Variants in RNF152 observed in about 807,000 individuals in gnomAD.
RNF152 encodes the protein E3 ubiquitin-protein ligase RNF152.
In RNF152, 11 loss-of-function variants were observed where a neutral mutation model predicts 12.7. That is an observed-to-expected ratio of 0.86 (90% CI 0.54 to 1.43). The LOEUF is 1.43. Ranked by LOEUF, RNF152 falls within the 40% of genes most tolerant of loss-of-function variation. RNF152 has a pLI of 0.00. For synonymous variants in RNF152, 113 were observed against 120.3 expected (o/e 0.94, Z 0.40); for missense variants, 255 against 274.8 (o/e 0.93, Z 0.51).
intron 1 of RNF152, among the ~76,000 whole-genome samples, chr18:61,890,827 C>T (rs4941083): frequency 0.52 from 79,522 of 151,536 alleles, 20,898 homozygotes; most frequent in East Asian, 0.75. Context: ...AATGTAAGGA[C>T]CGAACTGTAT....
intron 1 of RNF152, among the ~76,000 whole-genome samples, chr18:61,823,643 C>T (rs899699831): frequency 1.3e-5 from 2 of 152,238 alleles, no homozygotes; most frequent in Non-Finnish European, 2.9e-5. Flanking sequence ...GGGAATAGGG[C>T]AGGCGATGCT....
At chr18:61,822,160 A>G (rs1416387767) in intron 1 of RNF152, among the ~76,000 whole-genome samples, 1 of 152,256 alleles carries the variant, frequency 6.6e-6, no homozygotes, top group East Asian at 1.9e-4. Flanking sequence ...AGAAAAACTT[A>G]AAGTCAAGAT....
intron 1 of RNF152, among the ~76,000 whole-genome samples, chr18:61,851,102 A>C (rs1255638830): frequency 4.6e-5 from 7 of 151,852 alleles, no homozygotes; most frequent in African/African-American, 9.7e-5. Flanking sequence ...AAAAAAAAAA[A>C]AAAAAACTTA....
intron 1 of RNF152, among the ~76,000 whole-genome samples, chr18:61,884,598 G>T (rs1169594301): frequency 6.6e-6 from 1 of 152,060 alleles, no homozygotes; most frequent in Admixed American, 6.5e-5. Context: ...TCATTCTGTC[G>T]CCCAGGCTGG....
At chr18:61,863,298 G>A (rs1412794204) in intron 1 of RNF152, among the ~76,000 whole-genome samples, 1 of 152,106 alleles carries the variant, frequency 6.6e-6, no homozygotes, top group East Asian at 1.9e-4. Context: ...AGCCAGGCGT[G>A]GTGACACACG....
At position 61,814,255 on chromosome 18, in the gene RNF152, G is replaced by A. The variant is rs1037482647; in HGVS notation, c.*1597C>T. ...TAAATTAAATTGTCTTGACCTCACA[G>A]GGCTATTTTCTAGCCTTGCTTTTTG... On this transcript the variant is annotated 3_prime_UTR_variant, in exon 2 of 2. Transcript: ENST00000312828. 1 of 152,140 alleles carries A rather than the reference G, an allele frequency of 6.6e-6. No individual in the cohort carries two copies. The highest frequency in any genetic ancestry group is 6.5e-5 in the Admixed American group (1 of 15,282). The allele number at this position is 152,140 out of a possible 1,614,324, so 9.4% of individuals were successfully genotyped here.
chr18:61,824,652 A>G (rs1167849448), intron 1 of RNF152, among the ~76,000 whole-genome samples: 1 of 152,232 alleles, frequency 6.6e-6, no homozygotes, highest in Non-Finnish European at 1.5e-5. Context: ...TCTGATCAGT[A>G]GCCTTCCCAG....
chr18:61,844,990 T>A (rs1287499555), intron 1 of RNF152, among the ~76,000 whole-genome samples: 1 of 152,190 alleles, frequency 6.6e-6, no homozygotes, highest in Non-Finnish European at 1.5e-5. Context: ...GGGCCATAAG[T>A]GGACACGAGT....
intron 1 of RNF152, among the ~76,000 whole-genome samples, chr18:61,873,095 T>C (rs1354977187): frequency 6.6e-6 from 1 of 152,192 alleles, no homozygotes; most frequent in Non-Finnish European, 1.5e-5. Context: ...TAGCACAATC[T>C]TGAGCAAGCT....
chr18:61,870,705 A>G (rs557262609), intron 1 of RNF152, among the ~76,000 whole-genome samples: 1 of 152,274 alleles, frequency 6.6e-6, no homozygotes, highest in East Asian at 1.9e-4. Flanking sequence ...ACTATGGTTT[A>G]TGGACCTCAT....
chr18:61,841,457 G>C lies in RNF152; in HGVS notation c.-135-24859C>G, dbSNP rs1302348444. ...TTTATACTCTTTATTTAAGAATAAT[G>C]AATAAATGAACTTGAGCTGGATCTA... On this transcript the variant is annotated intron_variant, in intron 1 of 1. Coordinates refer to ENST00000312828, the MANE Select transcript of RNF152 (RefSeq NM_173557.3). Among the ~76,000 whole-genome samples, 3 of 152,152 alleles carry C rather than the reference G, an allele frequency of 2.0e-5. No homozygotes were observed. The East Asian group carries it at 5.8e-4, about 29-fold the overall frequency.
chr18:61,873,225 A>G (rs1362212744), intron 1 of RNF152, among the ~76,000 whole-genome samples: 1 of 152,240 alleles, frequency 6.6e-6, no homozygotes, highest in Non-Finnish European at 1.5e-5. Context: ...CAAAATGCTT[A>G]AAAGTTAATT....
At chr18:61,866,237 C>G (rs1911719670) in intron 1 of RNF152, among the ~76,000 whole-genome samples, 1 of 152,172 alleles carries the variant, frequency 6.6e-6, no homozygotes, top group African/African-American at 2.4e-5. Context: ...ATCCAACCTA[C>G]TGCTTCTAGA....
intron 1 of RNF152, among the ~76,000 whole-genome samples, chr18:61,869,266 G>A (rs1911878810): frequency 6.6e-6 from 1 of 152,146 alleles, no homozygotes; most frequent in South Asian, 2.1e-4. Flanking sequence ...ACTAGGTGGG[G>A]TCAAAAGCTG....
chr18:61,853,189 T>C (rs1041670330), intron 1 of RNF152, among the ~76,000 whole-genome samples: 8 of 152,244 alleles, frequency 5.3e-5, no homozygotes, highest in East Asian at 3.9e-4. Flanking sequence ...GATTATCTTA[T>C]AGGTCTGGAG....
At position 61,811,473 on chromosome 18, in the gene RNF152, G is replaced by A. The variant is rs1414104105; in HGVS notation, c.*4379C>T. ...GCTTCAAATCTTCAACTCTTTCAGG[G>A]ATAACTGAAATTTTTGCTTAAAAAA... On this transcript the variant is annotated 3_prime_UTR_variant, in exon 2 of 2. Transcript: ENST00000312828. 1 of 152,146 alleles carries A rather than the reference G, an allele frequency of 6.6e-6. No individual in the cohort carries two copies. Among genetic ancestry groups the A allele is most frequent in the East Asian group, 1.9e-4 (1 of 5,194 alleles). 9.4% of individuals were successfully genotyped at this position (152,146 alleles called of 1,614,324 possible).
intron 1 of RNF152, among the ~76,000 whole-genome samples, chr18:61,850,130 C>T (rs561481282): frequency 1.3e-5 from 2 of 152,176 alleles, no homozygotes; most frequent in African/African-American, 2.4e-5. Context: ...TGAAAAGACA[C>T]GAGTCTGGAA....
intron 1 of RNF152, among the ~76,000 whole-genome samples, chr18:61,841,757 A>G (rs940125932): frequency 3.9e-5 from 6 of 152,234 alleles, no homozygotes; most frequent in Admixed American, 1.3e-4. Flanking sequence ...CTGGTCTTAG[A>G]CTAGTGCTTC....
At chr18:61,851,446 T>C (rs1910972640) in intron 1 of RNF152, among the ~76,000 whole-genome samples, 1 of 152,056 alleles carries the variant, frequency 6.6e-6, no homozygotes, top group South Asian at 2.1e-4. Context: ...GCTTCAGGGG[T>C]GAGGCTACAG....
Sources: allele counts gnomAD v4.1 joint callset (sites outside exome capture counted in the v4.1 genomes callset), GRCh38; gene constraint gnomAD v4.1.1; transcripts MANE v1.5; gene names NCBI Gene and HGNC (gene_info 2026-07-23, HGNC 2026-07-21).